CACNA2D3: variants seen among roughly 807,000 people sequenced by gnomAD.
The protein encoded by CACNA2D3 is voltage-dependent calcium channel subunit alpha-2/delta-3.
CACNA2D3 carries 60 observed loss-of-function variants against 160.6 expected under a neutral mutation model. The observed-to-expected ratio is 0.37, with a 90% confidence interval of 0.30 to 0.46. The LOEUF (loss-of-function observed/expected upper bound fraction) is 0.46, where lower values mean the gene tolerates loss of function less well. CACNA2D3 is among the 20% of genes least tolerant of loss of function. The pLI is 1.00. For missense variants in CACNA2D3, 1,205 were observed against 1,365.0 expected (o/e 0.88, Z 1.85); for synonymous variants, 558 against 492.9 (o/e 1.13, Z -1.75).
At position 54,897,502 on chromosome 3, in the gene CACNA2D3, A is replaced by AT. The variant is rs879516422; in HGVS notation, c.2368+642dup. 7.3e-5 allele frequency among the ~76,000 whole-genome samples: 11 copies of AT among 149,716 alleles called. No homozygotes were observed. The South Asian group carries it at 8.5e-4, about 12-fold the overall frequency. ...CTGGAAATGCTTCAGTTTTCCTCGT[A>AT]TTTTTTTTTTCTCTTGCCTCATGCA... On this transcript the variant is annotated intron_variant, in intron 26 of 37. Coordinates refer to ENST00000474759, the MANE Select transcript of CACNA2D3 (RefSeq NM_018398.3).
At position 54,564,759 on chromosome 3, in the gene CACNA2D3, A is replaced by C. The variant is rs146371667; in HGVS notation, c.676+1828A>C. Among the ~76,000 whole-genome samples, 21 of 152,304 alleles carry C rather than the reference A, an allele frequency of 1.4e-4. No individual in the cohort carries two copies. In the East Asian group the frequency reaches 4.1e-3, roughly 29 times the overall value. ...CTAGACAAAAGAGGTCTCTGCCCTC[A>C]TCCAGCTCCTTCTTGTGGGGACATG... On this transcript the variant is annotated intron_variant, in intron 6 of 37. Transcript: ENST00000474759.
chr3:54,855,568 G>T (rs537037298), intron 17 of CACNA2D3, among the ~76,000 whole-genome samples: 1 of 152,120 alleles, frequency 6.6e-6, no homozygotes, highest in South Asian at 2.1e-4. Context: ...AAAGAAGAAA[G>T]GAAATATGGA....
chr3:54,352,830 A>G (rs541743481), intron 3 of CACNA2D3, among the ~76,000 whole-genome samples: 157 of 152,358 alleles, frequency 1.0e-3, no homozygotes, highest in African/African-American at 3.4e-3. Context: ...GTTCTGACCA[A>G]TAAATTTGGT....
chr3:54,180,610 C>G (rs533055511), intron 2 of CACNA2D3, among the ~76,000 whole-genome samples: 8 of 152,264 alleles, frequency 5.3e-5, no homozygotes, highest in African/African-American at 1.9e-4. Context: ...CCAGCCACTG[C>G]CCCCAGCCCC....
intron 2 of CACNA2D3, among the ~76,000 whole-genome samples, chr3:54,252,607 G>A (rs1301040086): frequency 1.3e-5 from 2 of 152,120 alleles, no homozygotes. Flanking sequence ...CCTGTCTTTG[G>A]TCTCTGCAGG....
chr3:54,920,727 C>G (rs970264164), intron 27 of CACNA2D3, among the ~76,000 whole-genome samples: 8 of 152,168 alleles, frequency 5.3e-5, no homozygotes, highest in African/African-American at 9.7e-5. Context: ...GATATTTAAT[C>G]CAGCCAGAGA....
rs866737834 is a variant in CACNA2D3, at chr3:54,926,552, A to T, written c.2449+26684A>T. ...CACACACACACACACACACACACACACTCTGTTTTACATAACACTTTTTAA... is the reference window on the plus strand; with the variant it reads ...CACACACACACACACACACACACACTCTCTGTTTTACATAACACTTTTTAA... On this transcript the variant is annotated intron_variant, in intron 27 of 37. Coordinates refer to ENST00000474759, the MANE Select transcript of CACNA2D3 (RefSeq NM_018398.3). Among the ~76,000 whole-genome samples the T allele has an allele frequency of 3.1e-3, 437 of 138,842 alleles. 1 individual carries two copies. The highest frequency in any genetic ancestry group is 0.011 in the African/African-American group (406 of 38,010). 91.1% of individuals were successfully genotyped at this position (138,842 alleles called of 152,430 possible). A position where few individuals can be genotyped will look rare whatever the true frequency, so the allele number is the denominator to read the frequency against.
chr3:54,140,909 G>A (rs1200085674), intron 2 of CACNA2D3, among the ~76,000 whole-genome samples: 1 of 152,142 alleles, frequency 6.6e-6, no homozygotes, highest in East Asian at 1.9e-4. Context: ...TGAGAAAACT[G>A]GGGCTTGGAG....
At chr3:54,852,023 C>T (rs976241841) in intron 17 of CACNA2D3, among the ~76,000 whole-genome samples, 1 of 152,214 alleles carries the variant, frequency 6.6e-6, no homozygotes, top group African/African-American at 2.4e-5. Flanking sequence ...AGGACCTCCT[C>T]TTTCCTTAAA....
At chr3:54,176,586 GT>G (rs1336535024) in intron 2 of CACNA2D3, among the ~76,000 whole-genome samples, 84 of 152,184 alleles carry the variant, frequency 5.5e-4, no homozygotes, top group Admixed American at 4.6e-4. Flanking sequence ...CTTAAAATCT[GT>G]TTCCCACGTG....
chr3:54,974,553 A>G (rs903907405), intron 29 of CACNA2D3, among the ~76,000 whole-genome samples: 3 of 152,050 alleles, frequency 2.0e-5, no homozygotes, highest in East Asian at 1.9e-4. Flanking sequence ...CCCAATTCCC[A>G]TGGCCTGGGT....
At chr3:54,288,871 A>T (rs1438812303) in intron 2 of CACNA2D3, among the ~76,000 whole-genome samples, 1 of 152,226 alleles carries the variant, frequency 6.6e-6, no homozygotes, top group African/African-American at 2.4e-5. Flanking sequence ...AAAATTCAAC[A>T]ACCTTCATGC....
intron 13 of CACNA2D3, among the ~76,000 whole-genome samples, chr3:54,781,955 T>A (rs563908039): frequency 5.8e-4 from 88 of 152,316 alleles, no homozygotes; most frequent in African/African-American, 1.9e-3. Context: ...GGGGCACTAT[T>A]TCTAAAGATA....
rs1041979010 is a variant in CACNA2D3 at position 54,463,027 on chromosome 3, A to G, written c.382-40465A>G. 1.1e-4 allele frequency among the ~76,000 whole-genome samples: 17 copies of G among 149,958 alleles called. No individual in the cohort carries two copies. In the East Asian group the frequency reaches 2.3e-3, roughly 21 times the overall value. On this transcript the variant is annotated intron_variant, in intron 4 of 37. Transcript: ENST00000474759. ...CTTTAAAGTATTTTATTTCTCCTTC[A>G]CTTCTGAAGCTTAGTTTGGCTGGAT...
At chr3:54,813,242 C>G (rs1298086818) in intron 13 of CACNA2D3, among the ~76,000 whole-genome samples, 1 of 152,158 alleles carries the variant, frequency 6.6e-6, no homozygotes, top group Non-Finnish European at 1.5e-5. Context: ...CCTGTCCAGA[C>G]CCCTCATGGA....
At chr3:54,224,940 CTT>C (rs58653320) in intron 2 of CACNA2D3, among the ~76,000 whole-genome samples, 12 of 127,974 alleles carry the variant, frequency 9.4e-5, no homozygotes, top group Admixed American at 1.6e-4. Flanking sequence ...GACTGAATAT[CTT>C]TTTTTTTTTT....
At chr3:54,859,972 G>GCGCGCACGCACA (rs535185040) in intron 17 of CACNA2D3, among the ~76,000 whole-genome samples, 2 of 133,884 alleles carry the variant, frequency 1.5e-5, no homozygotes, top group East Asian at 4.4e-4. Context: ...GAAAGTAGAT[G>GCGCGCACGCACA]CACACACACA....
At chr3:54,891,571 C>T (rs1575534836) in intron 25 of CACNA2D3, 121 bp downstream of exon 25, 2 of 760,354 alleles carry the variant, frequency 2.6e-6, no homozygotes, top group East Asian at 2.7e-5. Context: ...CCACCCCAGG[C>T]CTATTGAGAT....
chr3:54,955,296 T>A (rs1234622284), intron 27 of CACNA2D3, among the ~76,000 whole-genome samples: 1 of 152,068 alleles, frequency 6.6e-6, no homozygotes, highest in Admixed American at 6.6e-5. Flanking sequence ...ATGCAGATAA[T>A]GTCCCGCAGG....
Sources: allele counts gnomAD v4.1 joint callset (sites outside exome capture counted in the v4.1 genomes callset), GRCh38; gene constraint gnomAD v4.1.1; transcripts MANE v1.5; gene names NCBI Gene and HGNC (gene_info 2026-07-23, HGNC 2026-07-21).